Variants in LIPC observed in about 807,000 individuals in gnomAD.
LIPC encodes hepatic triacylglycerol lipase.
In LIPC, 44 loss-of-function variants were observed where a neutral mutation model predicts 50.7. The ratio of observed to expected loss-of-function variants is 0.87; its 90% CI spans 0.68 to 1.11. The LOEUF (loss-of-function observed/expected upper bound fraction) is 1.11. Ranked by LOEUF, LIPC falls within the 50% of genes most tolerant of loss-of-function variation. LIPC has a pLI of 0.00. For missense variants in LIPC, 697 were observed against 648.2 expected, an observed-to-expected ratio of 1.08 and a Z score of -0.82; for synonymous variants, 271 against 256.4, an observed-to-expected ratio of 1.06 and a Z score of -0.54.
At chr15:58,527,231 C>T (rs113188655) in intron 1 of LIPC, among the ~76,000 whole-genome samples, 3 of 152,302 alleles carry the variant, frequency 2.0e-5, no homozygotes, top group African/African-American at 7.2e-5. Context: ...AGTTGTGGGC[C>T]TTGGCAGTCA....
intron 3 of LIPC, among the ~76,000 whole-genome samples, 170 bp downstream of exon 3, chr15:58,542,137 G>A (rs558615015): frequency 6.6e-6 from 1 of 152,290 alleles, no homozygotes; most frequent in South Asian, 2.1e-4. Flanking sequence ...GGCTCTCTCA[G>A]ACGCCTCCCT....
intron 1 of LIPC, among the ~76,000 whole-genome samples, chr15:58,450,502 C>T (rs760485178): frequency 2.0e-5 from 3 of 152,126 alleles, no homozygotes; most frequent in Non-Finnish European, 4.4e-5. Flanking sequence ...AGAACAGCAC[C>T]GTCTAAAGGA....
chr15:58,512,458 C>A (rs1282694559), intron 1 of LIPC, among the ~76,000 whole-genome samples: 1 of 152,226 alleles, frequency 6.6e-6, no homozygotes, highest in South Asian at 2.1e-4. Context: ...AGAAAGTCCA[C>A]GCAAATCAGT....
At chr15:58,448,142 C>A (rs1355753087) in intron 1 of LIPC, among the ~76,000 whole-genome samples, 2 of 152,198 alleles carry the variant, frequency 1.3e-5, no homozygotes, top group South Asian at 4.1e-4. Flanking sequence ...TAGCAAACTT[C>A]AGCCATAAAT....
At chr15:58,531,119 T>C (rs1355359420) in intron 1 of LIPC, among the ~76,000 whole-genome samples, 1 of 152,228 alleles carries the variant, frequency 6.6e-6, no homozygotes, top group East Asian at 1.9e-4. Context: ...CAGCAATCTA[T>C]GAGGAGTTCT....
chr15:58,469,207 TTACTC>T (rs1894694409), intron 1 of LIPC, among the ~76,000 whole-genome samples: 2 of 151,510 alleles, frequency 1.3e-5, no homozygotes, highest in Non-Finnish European at 2.9e-5. Flanking sequence ...TGATCGTAGT[TTACTC>T]TAACATTGAA....
intron 4 of LIPC, among the ~76,000 whole-genome samples, chr15:58,542,898 G>A (rs1242376924): frequency 3.3e-5 from 5 of 152,190 alleles, no homozygotes; most frequent in Non-Finnish European, 7.3e-5. Context: ...TCATGTTGGT[G>A]TGCCAAATGG....
chr15:58,498,394 T>A lies in LIPC; in HGVS notation c.89-39939T>A, dbSNP rs554281842. ...CACTCTGAGAATCACTTTGAGCCCC[T>A]GCGTTATCAATAGGGGCCATATTGC... On this transcript the variant is annotated intron_variant, in intron 1 of 8. Coordinates refer to ENST00000299022, the MANE Select transcript of LIPC (RefSeq NM_000236.3). 2.6e-5 allele frequency among the ~76,000 whole-genome samples: 4 copies of A among 152,290 alleles called. No individual in the cohort carries two copies. The South Asian group carries it at 8.3e-4, about 32-fold the overall frequency.
At chr15:58,501,208 C>T (rs1309145145) in intron 1 of LIPC, among the ~76,000 whole-genome samples, 1 of 152,132 alleles carries the variant, frequency 6.6e-6, no homozygotes. Flanking sequence ...CCTCCCAGAA[C>T]ATTGCAGTGA....
rs190844415 is a variant in LIPC at position 58,517,477 on chromosome 15, G to A, written c.89-20856G>A. 9.9e-4 allele frequency among the ~76,000 whole-genome samples: 151 copies of A among 152,334 alleles called. 1 individual carries two copies. Among genetic ancestry groups the A allele is most frequent in the African/African-American group, 2.9e-3 (122 of 41,566 alleles). Reference sequence around the variant, plus strand: ...TAAAAAGGCCCTGCTTTTCTGGAGCGAACCCCTTCAGAGGTCTCACAAGCA... The same window carrying A: ...TAAAAAGGCCCTGCTTTTCTGGAGCAAACCCCTTCAGAGGTCTCACAAGCA... On this transcript the variant is annotated intron_variant, in intron 1 of 8. Transcript: ENST00000299022.
chr15:58,504,481 T>TA (rs1187022021), intron 1 of LIPC, among the ~76,000 whole-genome samples: 2 of 152,152 alleles, frequency 1.3e-5, no homozygotes, highest in African/African-American at 4.8e-5. Context: ...TCTGTATGAA[T>TA]AAGGGGTCTT....
chr15:58,552,080 G>C (rs1893782695), intron 6 of LIPC, among the ~76,000 whole-genome samples: 1 of 152,166 alleles, frequency 6.6e-6, no homozygotes, highest in Non-Finnish European at 1.5e-5. Flanking sequence ...GAGGGGGAGG[G>C]AAACGGATCT....
At chr15:58,469,701 T>C (rs1270148921) in intron 1 of LIPC, among the ~76,000 whole-genome samples, 2 of 152,222 alleles carry the variant, frequency 1.3e-5, no homozygotes, top group Non-Finnish European at 2.9e-5. Context: ...AGAGAAACAC[T>C]GTGGCCGTTG....
chr15:58,530,308 G>C (rs34386514), intron 1 of LIPC, among the ~76,000 whole-genome samples: 1 of 152,316 alleles, frequency 6.6e-6, no homozygotes, highest in East Asian at 1.9e-4. Flanking sequence ...TGCTCCATGA[G>C]GGCTGGCTCC....
intron 1 of LIPC, among the ~76,000 whole-genome samples, chr15:58,464,988 G>C (rs901800397): frequency 1.3e-5 from 2 of 152,046 alleles, no homozygotes; most frequent in Admixed American, 6.6e-5. Context: ...TGGGGAGCGA[G>C]GGGGGAGCCC....
intron 1 of LIPC, among the ~76,000 whole-genome samples, chr15:58,481,101 G>A (rs1001949183): frequency 5.3e-5 from 8 of 152,084 alleles, no homozygotes; most frequent in African/African-American, 1.4e-4. Flanking sequence ...CCCTCCATGG[G>A]ATACACTGGG....
intron 1 of LIPC, among the ~76,000 whole-genome samples, chr15:58,483,876 C>T (rs1891275607): frequency 6.6e-6 from 1 of 152,108 alleles, no homozygotes; most frequent in African/African-American, 2.4e-5. Flanking sequence ...TATCTTAATT[C>T]CCTCCATACT....
At chr15:58,539,092 C>A (rs935052440) in intron 2 of LIPC, among the ~76,000 whole-genome samples, 1 of 152,192 alleles carries the variant, frequency 6.6e-6, no homozygotes, top group Non-Finnish European at 1.5e-5. Flanking sequence ...TGGGGTGTGA[C>A]CCTCATCCTC....
At chr15:58,563,800 ACATTCAT>A in intron 8 of LIPC, 77 bp downstream of exon 8, 4 of 1,169,320 alleles carry the variant, frequency 3.4e-6, no homozygotes, top group Non-Finnish European at 5.0e-6. Flanking sequence ...TTTAATACTC[ACATTCAT>A]CATGTGAGGT....
Sources: gnomAD v4.1 joint callset for allele counts (sites outside exome capture counted in the v4.1 genomes callset) on GRCh38, gnomAD v4.1.1 for gene constraint, MANE v1.5 for transcripts, NCBI Gene and HGNC (gene_info 2026-07-23, HGNC 2026-07-21) for gene names.